PRKN: variants seen among roughly 807,000 people sequenced by gnomAD.
PRKN encodes parkin RBR E3 ubiquitin protein ligase, also known as E3 ubiquitin-protein ligase parkin.
In PRKN, 56 loss-of-function variants were observed where a neutral mutation model predicts 59.5. The observed-to-expected ratio is 0.94, with a 90% CI of 0.76 to 1.18. PRKN has a LOEUF of 1.18. Ranked by LOEUF, PRKN falls within the 50% of genes most tolerant of loss-of-function variation. The pLI, the probability that PRKN is intolerant of heterozygous loss-of-function variation, is 0.00. For missense variants in PRKN, 657 were observed against 596.4 expected (o/e 1.10, Z -1.06); for synonymous variants, 250 against 222.1 (o/e 1.13, Z -1.12).
At position 161,353,251 on chromosome 6, in the gene PRKN, C is replaced by T. The variant is rs905750885; in HGVS notation, c.1286-3040G>A. 2.0e-5 allele frequency among the ~76,000 whole-genome samples: 3 copies of T among 152,144 alleles called. No individual in the cohort carries two copies. Among genetic ancestry groups the T allele is most frequent in the African/African-American group, 7.2e-5 (3 of 41,440 alleles). On this transcript the variant is annotated intron_variant, in intron 11 of 11. Transcript: ENST00000366898. The surrounding 1 kb of genome is among the most constrained non-coding windows in gnomAD (Gnocchi z 4.8). Reference sequence around the variant, plus strand: ...TTACCAGCCCAGGGCAGGACTGGAACCATCCGCAGCTGTTCTGACTGTGGG... The same window carrying T: ...TTACCAGCCCAGGGCAGGACTGGAATCATCCGCAGCTGTTCTGACTGTGGG...
At chr6:161,771,777 G>A (rs1789704690) in intron 7 of PRKN, among the ~76,000 whole-genome samples, 2 of 152,126 alleles carry the variant, frequency 1.3e-5, no homozygotes, top group African/African-American at 2.4e-5. Flanking sequence ...AGAATATTAA[G>A]CCACTCCTCC....
intron 6 of PRKN, 75 bp from the exon 7 acceptor site, chr6:161,785,983 C>T: frequency 1.4e-6 from 2 of 1,461,940 alleles, no homozygotes; most frequent in Non-Finnish European, 1.9e-6. Context: ...AGACCAATTT[C>T]TGTAATCCTG....
At chr6:161,877,839 C>T (rs1270144298) in intron 6 of PRKN, among the ~76,000 whole-genome samples, 3 of 152,068 alleles carry the variant, frequency 2.0e-5, no homozygotes, top group East Asian at 3.9e-4. Flanking sequence ...CTGGCAGTTG[C>T]TAGGATGGCA....
chr6:162,271,890 G>A (rs1236216419), intron 2 of PRKN, among the ~76,000 whole-genome samples: 1 of 152,192 alleles, frequency 6.6e-6, no homozygotes, highest in East Asian at 1.9e-4. Context: ...TCTTATGACT[G>A]ATTTTCATTA....
At chr6:161,850,653 T>C (rs1221754117) in intron 6 of PRKN, among the ~76,000 whole-genome samples, 24 of 151,826 alleles carry the variant, frequency 1.6e-4, no homozygotes, top group Non-Finnish European at 1.5e-5. Flanking sequence ...TATGAAGGGC[T>C]TCTTCCCGTT....
intron 1 of PRKN, among the ~76,000 whole-genome samples, chr6:162,643,397 C>CCAAAAAA (rs1778038648): frequency 1.2e-5 from 1 of 82,492 alleles, no homozygotes; most frequent in Non-Finnish European, 2.2e-5. Context: ...GACTCTGCCT[C>CCAAAAAA]AAAAAAAAAA....
chr6:161,953,851 A>C (rs753157999), intron 6 of PRKN, among the ~76,000 whole-genome samples: 32 of 152,206 alleles, frequency 2.1e-4, no homozygotes, highest in Non-Finnish European at 4.0e-4. Flanking sequence ...TTTCCTACTT[A>C]TAATCAGTGG....
At chr6:161,903,460 G>C (rs1778013661) in intron 6 of PRKN, among the ~76,000 whole-genome samples, 1 of 152,170 alleles carries the variant, frequency 6.6e-6, no homozygotes, top group Non-Finnish European at 1.5e-5. Flanking sequence ...AAAGAAAAGA[G>C]GGTGGGACCT....
chr6:162,167,251 C>G (rs1216674719), intron 4 of PRKN, among the ~76,000 whole-genome samples: 3 of 152,150 alleles, frequency 2.0e-5, no homozygotes, highest in African/African-American at 7.2e-5. Context: ...AGAGATCTGA[C>G]AGCTTGTATG....
chr6:162,374,738 T>C (rs1224285566), intron 2 of PRKN, among the ~76,000 whole-genome samples: 1 of 152,072 alleles, frequency 6.6e-6, no homozygotes, highest in Non-Finnish European at 1.5e-5. Context: ...GTTGACAGTT[T>C]ATAGATGTCT....
intron 5 of PRKN, among the ~76,000 whole-genome samples, chr6:162,010,504 ATAT>A (rs1395453702): frequency 2.2e-4 from 8 of 35,784 alleles, no homozygotes; most frequent in African/African-American, 1.2e-3. Flanking sequence ...ATTATATAAT[ATAT>A]TATATTATAT....
intron 4 of PRKN, among the ~76,000 whole-genome samples, chr6:162,079,829 G>A (rs1778986455): frequency 6.6e-6 from 1 of 152,098 alleles, no homozygotes; most frequent in Admixed American, 6.6e-5. Flanking sequence ...TCAATCAGAA[G>A]GTCTCAGGAA....
chr6:162,385,797 T>C (rs1182370577), intron 2 of PRKN, among the ~76,000 whole-genome samples: 4 of 152,032 alleles, frequency 2.6e-5, no homozygotes, highest in Admixed American at 2.6e-4. Context: ...TATTGTTTTC[T>C]GAACAAAAGG....
At chr6:161,758,350 A>C (rs1466871769) in intron 7 of PRKN, among the ~76,000 whole-genome samples, 1 of 152,222 alleles carries the variant, frequency 6.6e-6, no homozygotes, top group Non-Finnish European at 1.5e-5. Flanking sequence ...GGAAAGGATA[A>C]GCAAATTGTG....
Position 161,589,234 on chromosome 6 carries a change from G to A in PRKN, c.872-19818C>T, listed in dbSNP as rs114039254. 2.9e-3 allele frequency among the ~76,000 whole-genome samples: 449 copies of A among 152,346 alleles called. 1 individual carries two copies. Among genetic ancestry groups the A allele is most frequent in the African/African-American group, 0.01 (430 of 41,586 alleles). ...ACGCGCAGAGACGCCCCGCTGCTGA[G>A]AGCGCCTGTGCTTCAGGGTCCACTG... On this transcript the variant is annotated intron_variant, in intron 7 of 11. Coordinates refer to ENST00000366898, the MANE Select transcript of PRKN (RefSeq NM_004562.3).
At chr6:162,463,635 T>C (rs1250770143) in intron 1 of PRKN, among the ~76,000 whole-genome samples, 2 of 152,174 alleles carry the variant, frequency 1.3e-5, no homozygotes, top group Non-Finnish European at 2.9e-5. Flanking sequence ...ATGTTGACAA[T>C]GTGACTACTG....
At chr6:161,568,409 C>T (rs1005580075) in intron 8 of PRKN, among the ~76,000 whole-genome samples, 25 of 152,094 alleles carry the variant, frequency 1.6e-4, no homozygotes, top group African/African-American at 5.6e-4. Context: ...CTGGCTAACA[C>T]GGTGAAACTC....
intron 7 of PRKN, among the ~76,000 whole-genome samples, chr6:161,717,328 C>T (rs6927425): frequency 0.088 from 13,403 of 152,186 alleles, 1,186 homozygotes; most frequent in African/African-American, 0.23. Context: ...AAGGTCCCAC[C>T]CACCTCCCAA....
intron 7 of PRKN, among the ~76,000 whole-genome samples, chr6:161,688,557 T>A (rs530434555): frequency 6.6e-6 from 1 of 152,372 alleles, no homozygotes; most frequent in South Asian, 2.1e-4. Flanking sequence ...ATGATTGCTC[T>A]TGTTTCCATG....
Sources: gnomAD v4.1 joint callset for allele counts (sites outside exome capture counted in the v4.1 genomes callset) on GRCh38, gnomAD v4.1.1 for gene constraint, Gnocchi (gnomAD v3.1) non-coding constraint, MANE v1.5 for transcripts, NCBI Gene and HGNC (gene_info 2026-07-23, HGNC 2026-07-21) for gene names.